The following UBR4 variants were observed in gnomAD, a reference collection of about 807,000 sequenced individuals.
The protein encoded by UBR4 is ubiquitin protein ligase E3 component n-recognin 4, also known as E3 ubiquitin-protein ligase UBR4.
A neutral mutation model predicts 575.6 loss-of-function variants in UBR4; 124 were observed. The observed-to-expected ratio is 0.22, with a 90% CI of 0.19 to 0.25. The LOEUF (loss-of-function observed/expected upper bound fraction) is 0.25. UBR4 is among the 10% of genes least tolerant of loss of function. UBR4 has a pLI of 1.00. For synonymous variants in UBR4, 2,455 were observed against 2,473.7 expected (o/e 0.99, Z 0.22); for missense variants, 4,818 against 6,478.8 (o/e 0.74, Z 8.80).
At chr1:19,087,737 G>A (rs2077156522) in intron 99 of UBR4, 79 bp downstream of exon 99, 2 of 1,155,858 alleles carry the variant, frequency 1.7e-6, no homozygotes, top group African/African-American at 3.1e-5. Flanking sequence ...GAACAAAATG[G>A]CCTGGAGGAG....
intron 101 of UBR4, 29 bp from the exon 102 acceptor site, chr1:19,084,727 T>C: frequency 6.4e-7 from 1 of 1,571,276 alleles, no homozygotes; most frequent in Non-Finnish European, 8.7e-7. Flanking sequence ...AACAATGAAA[T>C]GGAAGTGAGT....
At chr1:19,118,027 GC>G in intron 71 of UBR4, 117 bp from the exon 72 acceptor site, 1 of 902,896 alleles carries the variant, frequency 1.1e-6, no homozygotes, top group Non-Finnish European at 1.8e-6. Context: ...CCCAAAGTGA[GC>G]CCCACCCTAG....
intron 1 of UBR4, among the ~76,000 whole-genome samples, chr1:19,204,875 A>G (rs772942840): frequency 7.2e-5 from 11 of 152,318 alleles, no homozygotes; most frequent in Middle Eastern, 6.8e-3. Context: ...GTGCTGCCAT[A>G]ATTTCCAACC....
chr1:19,131,965 A>G (rs1344382737), intron 60 of UBR4, among the ~76,000 whole-genome samples: 2 of 152,238 alleles, frequency 1.3e-5, no homozygotes, highest in African/African-American at 2.4e-5. Flanking sequence ...AAAGATAACT[A>G]GAAAATTCCC....
chr1:19,100,502 G>C lies in UBR4; in HGVS notation c.13095C>G (p.Gly4365=), dbSNP rs1479759875. ...TGCTATACGGGTTCCCAGGCATCCT[G>C]CCCTGTAAGAAGTCTTCTTGTTGGG... ...KDPQQEDFLQ[G]RMPGNPYSSN... is the part of the protein sequence containing the mutation. The change falls in exon 89 of 106, where the codon GGC becomes GGG. Residue 4365 remains glycine (G), a synonymous_variant. Coordinates refer to ENST00000375254, the MANE Select transcript of UBR4 (RefSeq NM_020765.3). The surrounding 1 kb of genome is among the most constrained non-coding windows in gnomAD (Gnocchi z 4.2). The C allele has an allele frequency of 6.2e-7, 1 of 1,613,986 alleles. No homozygotes were observed. Among genetic ancestry groups the C allele is most frequent in the Non-Finnish European group, 8.5e-7 (1 of 1,180,036 alleles).
chr1:19,100,013 G>C lies in UBR4; in HGVS notation c.13222-336C>G, dbSNP rs151316614. ...GGTCTGCCAGAAAGTAACTGACACGGGGACATAAACCTGCACAGGGGGTAA... is the reference window on the plus strand; with the variant it reads ...GGTCTGCCAGAAAGTAACTGACACGCGGACATAAACCTGCACAGGGGGTAA... On this transcript the variant is annotated intron_variant, in intron 89 of 105. Coordinates refer to ENST00000375254, the MANE Select transcript of UBR4 (RefSeq NM_020765.3). This position sits in a 1 kb window ranked among gnomAD's most constrained non-coding sequence, Gnocchi z 4.2. 174 of 427,926 alleles carry C rather than the reference G, an allele frequency of 4.1e-4. 1 individual carries two copies. Among genetic ancestry groups the C allele is most frequent in the African/African-American group, 2.6e-3 (129 of 50,284 alleles). 26.5% of individuals were successfully genotyped at this position (427,926 alleles called of 1,614,324 possible). A position where few individuals can be genotyped will look rare whatever the true frequency, so the allele number is the denominator to read the frequency against.
intron 97 of UBR4, among the ~76,000 whole-genome samples, chr1:19,091,675 G>A (rs941689702): frequency 6.6e-6 from 1 of 152,152 alleles, no homozygotes; most frequent in South Asian, 2.1e-4. Context: ...TGGCTAAGAC[G>A]CAGAGAAACT....
intron 22 of UBR4, among the ~76,000 whole-genome samples, chr1:19,174,110 C>T: frequency 6.6e-6 from 1 of 152,182 alleles, no homozygotes; most frequent in East Asian, 1.9e-4. Flanking sequence ...AATTACAGTT[C>T]TCTCAATGGT....
rs1160664588 is a variant in UBR4, at chr1:19,094,089, G to T, written c.13797C>A (p.Asp4599Glu). Residue 4599 changes from aspartate (D) to glutamate (E), a missense_variant, in exon 95 of 106, where the codon GAC becomes GAA. Physicochemically the swap from Asp to Glu is conservative, Grantham distance 45. Transcript: ENST00000375254. ...AGCGAACAAAGGTGCTGTTGATCTG[G>T]TCCAAGAGCATCACCAGTTGATCCT... is the stretch of plus-strand genomic sequence containing the variant. ...GDKDQLVMLL[D>E]QINSTFVRSN... 1.2e-6 allele frequency: 2 copies of T among 1,614,022 alleles called. No individual in the cohort carries two copies. Among genetic ancestry groups the T allele is most frequent in the Non-Finnish European group, 1.7e-6 (2 of 1,180,000 alleles).
At chr1:19,137,120 C>T (rs1388109142) in intron 60 of UBR4, among the ~76,000 whole-genome samples, 1 of 151,842 alleles carries the variant, frequency 6.6e-6, no homozygotes, top group Non-Finnish European at 1.5e-5. Context: ...GGCAACAGGG[C>T]AAAACTCCAT....
chr1:19,168,040 C>T lies in UBR4; in HGVS notation c.3886G>A (p.Gly1296Arg), dbSNP rs2088819408. The change falls in exon 28 of 106, where the codon GGA becomes AGA. Residue 1296 changes from glycine to arginine, a missense_variant. Gly to Arg is a moderately radical substitution (Grantham distance 125). Transcript: ENST00000375254. ...HTLLSLVRLT[G>R]DLIVWSDEMN... is the part of the protein sequence containing the mutation. The stretch of plus-strand genomic sequence containing the variant: ...GTAGGTACTTACACAATAAGATCTC[C>T]AGTCAACCTGACCAGTGAGAGGAGG... The T allele has an allele frequency of 1.2e-6, 2 of 1,612,312 alleles. No individual in the cohort carries two copies. Among genetic ancestry groups the T allele is most frequent in the South Asian group, 1.1e-5 (1 of 90,856 alleles).
intron 17 of UBR4, 137 bp from the exon 18 acceptor site, chr1:19,179,357 T>C (rs942420271): frequency 1.0e-6 from 1 of 975,050 alleles, no homozygotes; most frequent in Non-Finnish European, 1.4e-6. Context: ...GAAATTCAGA[T>C]TTTGGAATAG....
intron 85 of UBR4, 49 bp downstream of exon 85, chr1:19,104,999 A>T: frequency 1.2e-6 from 2 of 1,600,872 alleles, no homozygotes; most frequent in East Asian, 4.5e-5. Flanking sequence ...ACATCAAGGT[A>T]CAAGGGGGAA....
rs1392454893 is a variant in UBR4, at chr1:19,141,477, G to A, written c.8358C>T (p.Asn2786=). 6.2e-7 allele frequency: 1 copy of A among 1,613,418 alleles called. No homozygotes were observed. Reference sequence around the variant, plus strand: ...CCAGCAGGGCCTCCAGGGGAGAGGGGTTGCCATTGTTGACATTTTCAGCTG... The same window carrying A: ...CCAGCAGGGCCTCCAGGGGAGAGGGATTGCCATTGTTGACATTTTCAGCTG... ...LETAENVNNG[N]PSPLEALLAG... The change falls in exon 57 of 106, where the codon AAC becomes AAT. Residue 2786 remains asparagine (N), a synonymous_variant. Coordinates refer to ENST00000375254, the MANE Select transcript of UBR4 (RefSeq NM_020765.3).
In UBR4 at chr1:19,195,969, T is replaced by TACACACACACACACAC. The variant is rs55820713; in HGVS notation, c.1018+1156_1018+1171dup. On this transcript the variant is annotated intron_variant, in intron 8 of 105. Coordinates refer to ENST00000375254, the MANE Select transcript of UBR4 (RefSeq NM_020765.3). ...GCCATAAAACCTACAGACTTACTTA[T>TACACACACACACACAC]ACACACACACACACACACACACACA... Among the ~76,000 whole-genome samples the TACACACACACACACAC allele has an allele frequency of 2.0e-3, 274 of 134,126 alleles. 3 individuals carry two copies. The highest frequency in any genetic ancestry group is 7.7e-3 in the African/African-American group (266 of 34,752). The allele number at this position is 134,126 out of a possible 152,430, so 88.0% of individuals were successfully genotyped here.
Position 19,187,269 on chromosome 1 carries a change from C to T in UBR4, c.1527G>A (p.Leu509=), listed in dbSNP as rs754281235. ...TGGAGGTGCTCTGGGCCATAATGCT[C>T]AAGGCTGCAGGGGGGCCATCTGTCT... is the stretch of plus-strand genomic sequence containing the variant. ...GWETDGPPAA[L]SIMAQSTSIQ... Residue 509 remains leucine, a synonymous_variant, in exon 13 of 106, where the codon TTG becomes TTA. Transcript: ENST00000375254. The T allele has an allele frequency of 1.2e-6, 2 of 1,613,876 alleles. No individual in the cohort carries two copies. Among genetic ancestry groups the T allele is most frequent in the Non-Finnish European group, 1.7e-6 (2 of 1,179,894 alleles).
At position 19,153,949 on chromosome 1, in the gene UBR4, A is replaced by G. The variant is rs1476267400; in HGVS notation, c.6459-10T>C. 1.2e-6 allele frequency: 2 copies of G among 1,611,692 alleles called. No homozygotes were observed. On this transcript the variant is annotated splice_polypyrimidine_tract_variant and intron_variant, in intron 44 of 105. Transcript: ENST00000375254. This position sits in a 1 kb window ranked among gnomAD's most constrained non-coding sequence, Gnocchi z 4.1. The stretch of plus-strand genomic sequence containing the variant: ...ACTGCCACCATTGGAACTGCAGACA[A>G]CAAAACTGGCCACAGTTAGAGTGTC...
Position 19,093,979 on chromosome 1 carries a change from T to A in UBR4, c.13907A>T (p.Glu4636Val). 1 of 1,613,768 alleles carries A rather than the reference T, an allele frequency of 6.2e-7. No individual in the cohort carries two copies. Among genetic ancestry groups the A allele is most frequent in the Non-Finnish European group, 8.5e-7 (1 of 1,179,878 alleles). Residue 4636 changes from glutamate to valine, a missense_variant, in exon 95 of 106, where the codon GAG becomes GTG. By Grantham distance (121) the Glu-to-Val change is moderately radical (BLOSUM62 -2). This residue lies in a region of UBR4 where 165 missense variants were observed against 282.3 expected (regional missense o/e 0.58). Transcript: ENST00000375254. The surrounding 1 kb of genome is among the most constrained non-coding windows in gnomAD (Gnocchi z 4.8). ...GEVEKMQILVERFKPYCNFDK... is the reference protein window; with the variant it reads ...GEVEKMQILVVRFKPYCNFDK... ...AAAGTTGCAGTATGGTTTGAATCGCTCCACCAAGATCTGCATTTTCTCCAC... is the reference window on the plus strand; with the variant it reads ...AAAGTTGCAGTATGGTTTGAATCGCACCACCAAGATCTGCATTTTCTCCAC...
chr1:19,164,416 C>A lies in UBR4; in HGVS notation c.4537G>T (p.Val1513Phe). ...NSQVGEGVCA[V>F]LLGTLTPMAT... The stretch of plus-strand genomic sequence containing the variant: ...ATGGGAGTCAGGGTGCCCAGAAGAA[C>A]AGCACACACACCTTCCCCAACTTGG... Residue 1513 changes from valine to phenylalanine, a missense_variant, in exon 33 of 106, where the codon GTT (valine) becomes TTT (phenylalanine). This residue lies in a region of UBR4 where 1,172 missense variants were observed against 1,259.7 expected (regional missense o/e 0.93). Transcript: ENST00000375254. The A allele has an allele frequency of 1.9e-6, 3 of 1,614,104 alleles. No individual in the cohort carries two copies. Among genetic ancestry groups the A allele is most frequent in the Non-Finnish European group, 2.5e-6 (3 of 1,180,000 alleles).
Sources: allele counts gnomAD v4.1 joint callset (sites outside exome capture counted in the v4.1 genomes callset), GRCh38; gene constraint gnomAD v4.1.1; regional missense constraint gnomAD v4.1.1; non-coding constraint Gnocchi (gnomAD v3.1); transcripts MANE v1.5; gene names NCBI Gene and HGNC (gene_info 2026-07-23, HGNC 2026-07-21).